CTNNBL1: variants seen among roughly 807,000 people sequenced by gnomAD.
The protein encoded by CTNNBL1 is beta-catenin-like protein 1.
A neutral mutation model predicts 72.7 loss-of-function variants in CTNNBL1; 31 were observed. The ratio of observed to expected loss-of-function variants is 0.43; its 90% CI spans 0.32 to 0.58. The LOEUF is 0.58. Ranked by LOEUF, CTNNBL1 falls within the 20% of genes least tolerant of loss-of-function variation. CTNNBL1 has a pLI of 0.08. For synonymous variants in CTNNBL1, 240 were observed against 267.3 expected (o/e 0.90, Z 1.00); for missense variants, 534 against 725.1 (o/e 0.74, Z 3.03).
chr20:37,867,539 C>G (rs886191086), intron 15 of CTNNBL1, among the ~76,000 whole-genome samples: 2 of 152,148 alleles, frequency 1.3e-5, no homozygotes, highest in Non-Finnish European at 2.9e-5. Flanking sequence ...CCATCAAAGC[C>G]TTTATTATAA....
At chr20:37,792,979 C>T (rs2073738679) in intron 10 of CTNNBL1, among the ~76,000 whole-genome samples, 1 of 152,194 alleles carries the variant, frequency 6.6e-6, no homozygotes, top group Non-Finnish European at 1.5e-5. Flanking sequence ...TTTCTACTTT[C>T]ATACCATTCA....
intron 6 of CTNNBL1, among the ~76,000 whole-genome samples, chr20:37,766,203 G>A (rs1187670760): frequency 6.6e-6 from 1 of 152,218 alleles, no homozygotes; most frequent in East Asian, 1.9e-4. Flanking sequence ...GTAGTCTAGA[G>A]CCAGAATTTG....
At chr20:37,709,583 G>T (rs1430126875) in intron 1 of CTNNBL1, among the ~76,000 whole-genome samples, 2 of 152,204 alleles carry the variant, frequency 1.3e-5, no homozygotes, top group African/African-American at 4.8e-5. Flanking sequence ...AATGATGGGG[G>T]AAACTTTTGA....
intron 11 of CTNNBL1, among the ~76,000 whole-genome samples, chr20:37,812,569 C>G (rs927843581): frequency 1.3e-5 from 2 of 152,370 alleles, no homozygotes; most frequent in Middle Eastern, 6.8e-3. Context: ...AGCTCCCATT[C>G]TAGACTGCCC....
intron 11 of CTNNBL1, among the ~76,000 whole-genome samples, chr20:37,805,023 C>G (rs2071941687): frequency 6.6e-6 from 1 of 152,238 alleles, no homozygotes; most frequent in South Asian, 2.1e-4. Flanking sequence ...GGAGAAAGCA[C>G]AGCCCTCCAC....
At chr20:37,863,017 A>T (rs944003030) in intron 15 of CTNNBL1, among the ~76,000 whole-genome samples, 2 of 152,144 alleles carry the variant, frequency 1.3e-5, no homozygotes, top group Non-Finnish European at 2.9e-5. Context: ...TGCCTTGTTC[A>T]CTGTGTCTCC....
At chr20:37,755,563 T>G (rs952975711) in intron 4 of CTNNBL1, among the ~76,000 whole-genome samples, 2 of 152,208 alleles carry the variant, frequency 1.3e-5, no homozygotes, top group South Asian at 4.1e-4. Context: ...GAAAGCATAG[T>G]TAATTATTCG....
At chr20:37,848,708 C>T (rs1182408857) in intron 13 of CTNNBL1, among the ~76,000 whole-genome samples, 1 of 152,188 alleles carries the variant, frequency 6.6e-6, no homozygotes, top group Non-Finnish European at 1.5e-5. Flanking sequence ...TGGTCCCACA[C>T]CTCTGCCACT....
intron 1 of CTNNBL1, among the ~76,000 whole-genome samples, chr20:37,706,446 A>G (rs1238831998): frequency 2.0e-5 from 3 of 152,268 alleles, no homozygotes; most frequent in African/African-American, 4.8e-5. Flanking sequence ...TGTCCACAGC[A>G]TCTTCACTAG....
intron 10 of CTNNBL1, among the ~76,000 whole-genome samples, chr20:37,792,097 T>G (rs1004314103): frequency 6.6e-6 from 1 of 152,238 alleles, no homozygotes; most frequent in African/African-American, 2.4e-5. Context: ...CAAAAAGATG[T>G]TCATAAATAT....
chr20:37,751,297 CATT>C (rs2073317510), intron 4 of CTNNBL1, among the ~76,000 whole-genome samples: 2 of 152,022 alleles, frequency 1.3e-5, no homozygotes, highest in African/African-American at 4.8e-5. Context: ...AATGAGGTCT[CATT>C]GTGATGTTAA....
intron 11 of CTNNBL1, among the ~76,000 whole-genome samples, chr20:37,815,367 G>C (rs1297935819): frequency 6.6e-6 from 1 of 151,116 alleles, no homozygotes; most frequent in Admixed American, 6.6e-5. Context: ...GCCCAGGCTG[G>C]AGTACGATGG....
intron 7 of CTNNBL1, among the ~76,000 whole-genome samples, chr20:37,769,120 A>G (rs1170845467): frequency 1.3e-5 from 2 of 152,224 alleles, no homozygotes; most frequent in African/African-American, 4.8e-5. Flanking sequence ...TAGGAAAAAA[A>G]CATAGTAAAT....
chr20:37,862,769 C>G (rs2072502661), intron 15 of CTNNBL1, among the ~76,000 whole-genome samples: 1 of 151,586 alleles, frequency 6.6e-6, no homozygotes, highest in Admixed American at 6.6e-5. Context: ...TGGGCTCAGC[C>G]CTTCATTTCT....
At chr20:37,803,460 A>C (rs778973116) in intron 11 of CTNNBL1, among the ~76,000 whole-genome samples, 2 of 152,198 alleles carry the variant, frequency 1.3e-5, no homozygotes, top group Non-Finnish European at 2.9e-5. Context: ...GGAATTGCCG[A>C]AATAAACTAT....
At chr20:37,716,663 G>T (rs6067400) in intron 1 of CTNNBL1, among the ~76,000 whole-genome samples, 1 of 152,174 alleles carries the variant, frequency 6.6e-6, no homozygotes, top group East Asian at 1.9e-4. Flanking sequence ...CCCATCAACA[G>T]GCATGTTTTG....
At chr20:37,762,437 G>A (rs2073426313) in intron 5 of CTNNBL1, among the ~76,000 whole-genome samples, 2 of 152,096 alleles carry the variant, frequency 1.3e-5, no homozygotes, top group African/African-American at 4.8e-5. Flanking sequence ...TTGGTCAAGT[G>A]GAAGATGATG....
chr20:37,846,392 G>A (rs1234963299), intron 13 of CTNNBL1, among the ~76,000 whole-genome samples: 2 of 151,926 alleles, frequency 1.3e-5, no homozygotes, highest in Admixed American at 1.3e-4. Context: ...CTGGTTCTCC[G>A]ACTGTGGGCA....
chr20:37,701,812 C>T (rs1228625722), intron 1 of CTNNBL1, among the ~76,000 whole-genome samples: 1 of 151,980 alleles, frequency 6.6e-6, no homozygotes, highest in Non-Finnish European at 1.5e-5. Flanking sequence ...ATACATCGTA[C>T]GCTCATCTCA....
Sources: allele counts gnomAD v4.1 joint callset (sites outside exome capture counted in the v4.1 genomes callset), GRCh38; gene constraint gnomAD v4.1.1; transcripts MANE v1.5; gene names NCBI Gene and HGNC (gene_info 2026-07-23, HGNC 2026-07-21).